NRG3: variants seen among roughly 807,000 people sequenced by gnomAD.
NRG3 encodes neuregulin 3.
In NRG3, 31 loss-of-function variants were observed where a neutral mutation model predicts 66.9. The ratio of observed to expected loss-of-function variants is 0.46; its 90% CI spans 0.35 to 0.63. NRG3 has a LOEUF of 0.63. Ranked by LOEUF, NRG3 falls within the 20% of genes least tolerant of loss-of-function variation. The pLI is 0.00. For missense variants in NRG3, 910 were observed against 878.9 expected, an observed-to-expected ratio of 1.04 and a Z score of -0.45; for synonymous variants, 393 against 359.4, an observed-to-expected ratio of 1.09 and a Z score of -1.06.
intron 2 of NRG3, among the ~76,000 whole-genome samples, chr10:82,430,479 G>A (rs372906149): frequency 4.6e-5 from 7 of 151,984 alleles, no homozygotes; most frequent in East Asian, 1.9e-4. Flanking sequence ...GGATGGTCTC[G>A]ATCTCCTGAC....
At chr10:82,829,660 G>T (rs2062415796) in intron 3 of NRG3, among the ~76,000 whole-genome samples, 1 of 152,134 alleles carries the variant, frequency 6.6e-6, no homozygotes, top group African/African-American at 2.4e-5. Flanking sequence ...CCAGTAGATG[G>T]ACAAGAGGGA....
rs543987792 is a variant in NRG3, at chr10:82,765,643, G to A, written c.1027+26993G>A. Among the ~76,000 whole-genome samples, 6 of 152,244 alleles carry A rather than the reference G, an allele frequency of 3.9e-5. No individual in the cohort carries two copies. The South Asian group carries it at 6.2e-4, about 16-fold the overall frequency. Reference sequence around the variant, plus strand: ...AAAGCCATAACAAACAATCAATTCAGTAATTCATTTTACTTTTCTCTTTTC... The same window carrying A: ...AAAGCCATAACAAACAATCAATTCAATAATTCATTTTACTTTTCTCTTTTC... On this transcript the variant is annotated intron_variant, in intron 3 of 8. Coordinates refer to ENST00000372141, the MANE Select transcript of NRG3 (RefSeq NM_001010848.4).
intron 2 of NRG3, among the ~76,000 whole-genome samples, chr10:82,717,633 G>T (rs2057056122): frequency 6.6e-6 from 1 of 151,926 alleles, no homozygotes; most frequent in African/African-American, 2.4e-5. Context: ...TTGATCTCCT[G>T]ACCTCGTGAT....
chr10:81,949,362 C>T (rs1015852697), intron 1 of NRG3, among the ~76,000 whole-genome samples: 5 of 152,180 alleles, frequency 3.3e-5, no homozygotes, highest in African/African-American at 1.2e-4. Context: ...TTACTACACA[C>T]ATAGATAGAA....
intron 1 of NRG3, among the ~76,000 whole-genome samples, chr10:82,261,990 C>T (rs886278233): frequency 7.2e-5 from 11 of 152,146 alleles, no homozygotes; most frequent in African/African-American, 2.4e-4. Context: ...CTTACTCCTG[C>T]TCTCACCATG....
chr10:82,960,184 G>C (rs777820827), intron 6 of NRG3, among the ~76,000 whole-genome samples: 3 of 152,192 alleles, frequency 2.0e-5, no homozygotes, highest in Non-Finnish European at 4.4e-5. Flanking sequence ...ATAAATCAGA[G>C]TCTCTTCCCA....
chr10:82,087,378 C>T (rs951713458), intron 1 of NRG3, among the ~76,000 whole-genome samples: 1 of 152,120 alleles, frequency 6.6e-6, no homozygotes, highest in Non-Finnish European at 1.5e-5. Flanking sequence ...CCAGTATCTG[C>T]TGATTTATCA....
intron 2 of NRG3, among the ~76,000 whole-genome samples, chr10:82,634,294 G>A (rs2050037468): frequency 6.6e-6 from 1 of 152,076 alleles, no homozygotes. Context: ...GTAGAAAAGG[G>A]TGAAGAAGAC....
chr10:82,064,723 G>A (rs1307759920), intron 1 of NRG3, among the ~76,000 whole-genome samples: 1 of 152,174 alleles, frequency 6.6e-6, no homozygotes, highest in Admixed American at 6.5e-5. Flanking sequence ...GGTAAGTGCT[G>A]ATGGAAGGGG....
chr10:82,204,335 A>G (rs2075006200), intron 1 of NRG3, among the ~76,000 whole-genome samples: 1 of 151,934 alleles, frequency 6.6e-6, no homozygotes, highest in Non-Finnish European at 1.5e-5. Context: ...TTCTCCATTG[A>G]CTCTCTCCCA....
chr10:82,524,664 A>G (rs920743695), intron 2 of NRG3, among the ~76,000 whole-genome samples: 14 of 151,976 alleles, frequency 9.2e-5, no homozygotes, highest in African/African-American at 3.4e-4. Flanking sequence ...GTGGTAATAT[A>G]AAATCTGCTC....
At chr10:82,272,380 G>A (rs1485011178) in intron 1 of NRG3, among the ~76,000 whole-genome samples, 2 of 152,008 alleles carry the variant, frequency 1.3e-5, no homozygotes, top group Non-Finnish European at 2.9e-5. Context: ...GATCCTGGAG[G>A]GTGCTGGAAG....
intron 1 of NRG3, among the ~76,000 whole-genome samples, chr10:82,349,111 A>G (rs2083231895): frequency 2.0e-5 from 3 of 152,144 alleles, no homozygotes; most frequent in South Asian, 4.1e-4. Flanking sequence ...CTGGTGAGGA[A>G]CTGCGTTCCT....
chr10:82,522,879 C>G lies in NRG3; in HGVS notation c.953+164011C>G, dbSNP rs141649637. ...TCCATGGCTACAGTAGACATTTTTG[C>G]TACTCAGAAAGACCCCTGTAGGCCT... On this transcript the variant is annotated intron_variant, in intron 2 of 8. Transcript: ENST00000372141. Among the ~76,000 whole-genome samples the G allele has an allele frequency of 2.9e-3, 436 of 152,158 alleles. 3 individuals are homozygous for G. Among genetic ancestry groups the G allele is most frequent in the Non-Finnish European group, 4.8e-3 (323 of 67,988 alleles).
chr10:82,173,036 A>T (rs1040851161), intron 1 of NRG3, among the ~76,000 whole-genome samples: 3 of 152,128 alleles, frequency 2.0e-5, no homozygotes, highest in Non-Finnish European at 2.9e-5. Context: ...TTTTGAGTTA[A>T]ATTAAATTTT....
rs777026850 is a variant in NRG3, at chr10:81,963,125, C to CTTTTTTTTTTTT, written c.823+86977_823+86988dup. Among the ~76,000 whole-genome samples the CTTTTTTTTTTTT allele has an allele frequency of 3.3e-4, 23 of 70,112 alleles. 4 individuals carry two copies. Among genetic ancestry groups the CTTTTTTTTTTTT allele is most frequent in the African/African-American group, 1.4e-3 (22 of 15,650 alleles). 46.0% of individuals were successfully genotyped at this position (70,112 alleles called of 152,430 possible). On this transcript the variant is annotated intron_variant, in intron 1 of 8. Transcript: ENST00000372141. ...GAAAATATGATCTGCCACGAGGGCT[C>CTTTTTTTTTTTT]TTTTTTTTTTTTTTTTTTTTTTTTT...
At chr10:82,463,715 G>T (rs1398080425) in intron 2 of NRG3, among the ~76,000 whole-genome samples, 2 of 152,160 alleles carry the variant, frequency 1.3e-5, no homozygotes, top group African/African-American at 2.4e-5. Flanking sequence ...CTACCACATG[G>T]CAGAGAACCA....
intron 2 of NRG3, among the ~76,000 whole-genome samples, chr10:82,425,510 A>G (rs1434106570): frequency 2.0e-5 from 3 of 151,916 alleles, no homozygotes; most frequent in Admixed American, 2.0e-4. Flanking sequence ...AATCATAGTT[A>G]TTTTAAATTT....
intron 1 of NRG3, among the ~76,000 whole-genome samples, chr10:81,933,889 G>A (rs138481456): frequency 2.0e-5 from 3 of 152,060 alleles, no homozygotes. Context: ...TACAATAATG[G>A]CATGGTGAAG....
Sources: allele counts gnomAD v4.1 joint callset (sites outside exome capture counted in the v4.1 genomes callset), GRCh38; gene constraint gnomAD v4.1.1; transcripts MANE v1.5; gene names NCBI Gene and HGNC (gene_info 2026-07-23, HGNC 2026-07-21).